Variants in ZNF841 observed in about 807,000 individuals in gnomAD.
The protein encoded by ZNF841 is zinc finger protein 841.
A neutral mutation model predicts 13.0 loss-of-function variants in ZNF841; 11 were observed. The observed-to-expected ratio is 0.85, with a 90% confidence interval of 0.53 to 1.40. ZNF841 has a LOEUF of 1.40. ZNF841 is among the 40% of genes most tolerant of loss of function. ZNF841 has a pLI of 0.00. For synonymous variants in ZNF841, 369 were observed against 381.6 expected (o/e 0.97, Z 0.38); for missense variants, 1,068 against 1,139.5 (o/e 0.94, Z 0.90).
In ZNF841 at chr19:52,087,921, G is replaced by T. The variant is rs531682372; in HGVS notation, c.-78+1016C>A. On this transcript the variant is annotated intron_variant, in intron 3 of 6. Coordinates refer to ENST00000594440, the MANE Select transcript of ZNF841 (RefSeq NM_001136499.2). Reference sequence around the variant, plus strand: ...ATCTACTAAAACAGATATCTTCAATGATGCACACATGCCCCAATGAGACCC... The same window carrying T: ...ATCTACTAAAACAGATATCTTCAATTATGCACACATGCCCCAATGAGACCC... 4.6e-5 allele frequency among the ~76,000 whole-genome samples: 7 copies of T among 151,642 alleles called. No individual in the cohort carries two copies. In the South Asian group the frequency reaches 1.5e-3, roughly 32 times the overall value.
At chr19:52,059,032 G>A in the ZNF841 span, 1 of 153,346 alleles carries the variant, frequency 6.5e-6, no homozygotes, top group Non-Finnish European at 1.5e-5. Context: ...AAATCAAGGT[G>A]GTATTTTCAG....
chr19:52,073,310 T>A (rs1301395024), intron 6 of ZNF841, among the ~76,000 whole-genome samples: 2 of 152,070 alleles, frequency 1.3e-5, no homozygotes, highest in Admixed American at 1.3e-4. Flanking sequence ...TTTCTTTTTT[T>A]TTTTTAGAGA....
At chr19:52,087,085 A>G (rs73054175) in intron 3 of ZNF841, among the ~76,000 whole-genome samples, 20,545 of 152,280 alleles carry the variant, frequency 0.13, 1,568 homozygotes, top group South Asian at 0.31. Flanking sequence ...GTGTGTGTGC[A>G]TGCATTTAAT....
chr19:52,060,263 G>A (rs905288850), downstream of ZNF841, among the ~76,000 whole-genome samples: 1 of 152,208 alleles, frequency 6.6e-6, no homozygotes, highest in African/African-American at 2.4e-5. Context: ...CAGGAGAGAA[G>A]GTAGGCCCAA....
intron 6 of ZNF841, among the ~76,000 whole-genome samples, chr19:52,071,828 A>G (rs543514250): frequency 1.3e-5 from 2 of 152,338 alleles, no homozygotes; most frequent in African/African-American, 4.8e-5. Context: ...ACTTAACACA[A>G]TGGCAATATA....
At position 52,076,136 on chromosome 19, in the gene ZNF841, A is replaced by C. The variant is rs1274075023; in HGVS notation, c.179T>G (p.Leu60Trp). 6.4e-7 allele frequency: 1 copy of C among 1,557,202 alleles called. No individual in the cohort carries two copies. The highest frequency in any genetic ancestry group is 1.9e-5 in the Admixed American group (1 of 51,672). Residue 60 changes from leucine (L) to tryptophan (W), a missense_variant, in exon 6 of 7, where the codon TTG becomes TGG. Leu to Trp is a moderately conservative substitution (Grantham distance 61). Transcript: ENST00000594440. ...CLPDLNIISMLEQGKEPWTVV... is the reference protein window; with the variant it reads ...CLPDLNIISMWEQGKEPWTVV... ...AGTCCAGGGCTCTTTCCCTTGCTCC[A>C]ACATGGAGATAATATTCAGGTCAGG...
intron 3 of ZNF841, among the ~76,000 whole-genome samples, 180 bp from the exon 4 acceptor site, chr19:52,085,058 T>C (rs1008543873): frequency 1.3e-5 from 2 of 152,028 alleles, no homozygotes; most frequent in Admixed American, 1.3e-4. Flanking sequence ...TCTTCAGAAC[T>C]TGTTCCCCTC....
At chr19:52,091,422 C>G (rs996879490) in intron 2 of ZNF841, among the ~76,000 whole-genome samples, 1 of 152,188 alleles carries the variant, frequency 6.6e-6, no homozygotes, top group African/African-American at 2.4e-5. Context: ...CTAGAGGCAT[C>G]ATACTTTCTG....
chr19:52,088,686 T>A (rs1943290427), intron 3 of ZNF841, among the ~76,000 whole-genome samples: 1 of 152,232 alleles, frequency 6.6e-6, no homozygotes, highest in Non-Finnish European at 1.5e-5. Flanking sequence ...TGAGCTCAGG[T>A]ACCTGCTTAA....
chr19:52,089,813 C>T (rs1348722775), intron 2 of ZNF841, among the ~76,000 whole-genome samples: 1 of 152,166 alleles, frequency 6.6e-6, no homozygotes, highest in Non-Finnish European at 1.5e-5. Context: ...TGAAGGCCCA[C>T]CCTTGCTTTC....
At chr19:52,076,880 C>T (rs1399997214) in intron 5 of ZNF841, 78 bp downstream of exon 5, 2 of 1,535,752 alleles carry the variant, frequency 1.3e-6, no homozygotes, top group African/African-American at 1.4e-5. Flanking sequence ...TAATGTAGGG[C>T]CTCACAAGAA....
At chr19:52,064,375 A>AC (rs2087468349), downstream of ZNF841, 14 of 144,372 alleles carry the variant, frequency 9.7e-5, no homozygotes, top group African/African-American at 3.6e-4. Context: ...AAAAAAAAAA[A>AC]AAAAAAAAAA....
intron 3 of ZNF841, among the ~76,000 whole-genome samples, chr19:52,086,145 G>A (rs1026529715): frequency 3.9e-5 from 6 of 152,170 alleles, no homozygotes; most frequent in African/African-American, 1.2e-4. Context: ...CAGGTCTGCA[G>A]GGGACATGGA....
intron 3 of ZNF841, among the ~76,000 whole-genome samples, chr19:52,086,790 G>C (rs76976828): frequency 0.018 from 2,690 of 152,298 alleles, 50 homozygotes; most frequent in Admixed American, 0.045. Flanking sequence ...CAAAGAAAGA[G>C]TAAAGCAGGA....
At chr19:52,091,671 A>G (rs2088501988) in intron 2 of ZNF841, among the ~76,000 whole-genome samples, 1 of 152,202 alleles carries the variant, frequency 6.6e-6, no homozygotes, top group African/African-American at 2.4e-5. Context: ...ATCTCACACT[A>G]TATGCAAAGA....
At chr19:52,072,583 T>C (rs887420719) in intron 6 of ZNF841, among the ~76,000 whole-genome samples, 1 of 152,224 alleles carries the variant, frequency 6.6e-6, no homozygotes, top group Non-Finnish European at 1.5e-5. Context: ...GGCTCACGCC[T>C]GTAATCCCAG....
intron 4 of ZNF841, among the ~76,000 whole-genome samples, chr19:52,077,633 G>C (rs942479042): frequency 2.0e-5 from 3 of 152,310 alleles, no homozygotes; most frequent in Admixed American, 1.3e-4. Context: ...GACAGGCTAA[G>C]AAAGTCACCT....
chr19:52,059,386 TATATACACAC>T, the ZNF841 span, among the ~76,000 whole-genome samples: 1 of 118,044 alleles, frequency 8.5e-6, no homozygotes, highest in African/African-American at 3.5e-5. Flanking sequence ...TATATATATA[TATATACACAC>T]ACACACACAC....
In ZNF841 at chr19:52,065,248, TTTA is replaced by T. The variant is rs2087505321; in HGVS notation, c.2631_2633del (p.Tyr877_Lys878delinsTer). 6.2e-7 allele frequency: 1 copy of T among 1,613,876 alleles called. No homozygotes were observed. The highest frequency in any genetic ancestry group is 1.3e-5 in the African/African-American group (1 of 74,900). On this transcript the variant is annotated stop_gained and inframe_deletion, in exon 7 of 7. Transcript: ENST00000594440. LOFTEE classifies it low-confidence loss of function (END_TRUNC). The stretch of plus-strand genomic sequence containing the variant: ...TGTAAGATTTGCCACACTCATTACA[TTTA>T]TAAGGTTTTTCACTAGAATGAATTC...
Sources: gnomAD v4.1 joint callset for allele counts (sites outside exome capture counted in the v4.1 genomes callset) on GRCh38, gnomAD v4.1.1 for gene constraint, MANE v1.5 for transcripts, NCBI Gene and HGNC (gene_info 2026-07-23, HGNC 2026-07-21) for gene names.